The following ACCSL variants were observed in gnomAD, a reference collection of about 807,000 sequenced individuals.
ACCSL encodes the protein probable inactive 1-aminocyclopropane-1-carboxylate synthase-like protein 2.
In ACCSL, 55 loss-of-function variants were observed where a neutral mutation model predicts 61.7. The observed-to-expected ratio is 0.89, with a 90% CI of 0.72 to 1.12. The LOEUF (loss-of-function observed/expected upper bound fraction) is 1.12, where lower values mean the gene tolerates loss of function less well. ACCSL is among the 50% of genes most tolerant of loss of function. The pLI, the probability that ACCSL is intolerant of heterozygous loss-of-function variation, is 0.00. For synonymous variants in ACCSL, 258 were observed against 264.3 expected, an observed-to-expected ratio of 0.98 and a Z score of 0.23; for missense variants, 632 against 698.0, an observed-to-expected ratio of 0.91 and a Z score of 1.07.
At chr11:43,996,379 G>C in the ACCSL span, among the ~76,000 whole-genome samples, 3 of 152,212 alleles carry the variant, frequency 2.0e-5, no homozygotes, top group African/African-American at 7.2e-5. Flanking sequence ...AGTGGCTGTG[G>C]GGAGACCTGT....
chr11:44,016,146 A>G, the ACCSL span, among the ~76,000 whole-genome samples: 1 of 152,098 alleles, frequency 6.6e-6, no homozygotes, highest in Non-Finnish European at 1.5e-5. Flanking sequence ...TGCCTTGATA[A>G]AGCCAGGCCT....
At chr11:44,037,494 G>A in the ACCSL span, among the ~76,000 whole-genome samples, 3 of 152,220 alleles carry the variant, frequency 2.0e-5, no homozygotes, top group African/African-American at 7.2e-5. Context: ...CTGCTTCTCT[G>A]AGTCTGCAGT....
chr11:44,059,404 C>T (rs1252549999), intron 13 of ACCSL, among the ~76,000 whole-genome samples: 1 of 152,226 alleles, frequency 6.6e-6, no homozygotes, highest in Non-Finnish European at 1.5e-5. Flanking sequence ...ATAGGACATT[C>T]ATGTGAACAT....
chr11:43,964,011 G>A, the ACCSL span, among the ~76,000 whole-genome samples: 1 of 151,930 alleles, frequency 6.6e-6, no homozygotes, highest in South Asian at 2.1e-4. Context: ...TTTGCATTAG[G>A]TGTGTCTCCT....
chr11:43,997,358 C>T, the ACCSL span, among the ~76,000 whole-genome samples: 1 of 152,156 alleles, frequency 6.6e-6, no homozygotes, highest in Non-Finnish European at 1.5e-5. Flanking sequence ...ATTCTTCCGG[C>T]TTCCTCCTGC....
chr11:44,024,441 CTGTGTGTGTGTGTGTGTG>C, the ACCSL span, among the ~76,000 whole-genome samples: 49 of 132,098 alleles, frequency 3.7e-4, no homozygotes, highest in Non-Finnish European at 7.3e-4. Context: ...CTCTCTCTCT[CTGTGTGTGTGTGTGTGTG>C]TGTGTGTGTG....
chr11:44,004,262 A>G, the ACCSL span, among the ~76,000 whole-genome samples: 3 of 152,122 alleles, frequency 2.0e-5, no homozygotes, highest in Non-Finnish European at 4.4e-5. Context: ...CCCAGATCAG[A>G]AGGGCAGTCA....
chr11:43,993,933 A>C, the ACCSL span, among the ~76,000 whole-genome samples: 3 of 152,164 alleles, frequency 2.0e-5, no homozygotes, highest in Admixed American at 2.0e-4. Context: ...TATCTTGCAA[A>C]ACCTGTGCCC....
the ACCSL span, among the ~76,000 whole-genome samples, chr11:44,009,357 G>T: frequency 1.3e-5 from 2 of 152,198 alleles, no homozygotes; most frequent in Non-Finnish European, 2.9e-5. Context: ...ACTGTTGCCA[G>T]GTCAGTTCCT....
chr11:43,956,469 G>A, the ACCSL span, among the ~76,000 whole-genome samples: 1 of 152,020 alleles, frequency 6.6e-6, no homozygotes, highest in African/African-American at 2.4e-5. Context: ...GCCCAGGCTG[G>A]GGTGCAATGG....
chr11:44,012,489 G>T, the ACCSL span, among the ~76,000 whole-genome samples: 2 of 152,102 alleles, frequency 1.3e-5, no homozygotes, highest in Admixed American at 6.5e-5. Context: ...GTTTCACCAT[G>T]TTGGCCAGGC....
chr11:43,956,321 A>C, the ACCSL span, among the ~76,000 whole-genome samples: 1 of 152,184 alleles, frequency 6.6e-6, no homozygotes, highest in Non-Finnish European at 1.5e-5. Flanking sequence ...TTTAGGCTGA[A>C]CTTAAATATG....
At chr11:43,942,787 T>A in the ACCSL span, 1 of 586,018 alleles carries the variant, frequency 1.7e-6, no homozygotes, top group Non-Finnish European at 2.1e-6. Flanking sequence ...CCGCAGCAGA[T>A]TTGGATCCCC....
chr11:43,942,035 C>CGT, the ACCSL span, among the ~76,000 whole-genome samples: 688 of 89,678 alleles, frequency 7.7e-3, 4 homozygotes, highest in Non-Finnish European at 0.011. Context: ...TGCATTCGTG[C>CGT]GTGTGTGTGT....
chr11:44,056,746 C>A (rs535478549), intron 11 of ACCSL, among the ~76,000 whole-genome samples: 1 of 152,272 alleles, frequency 6.6e-6, no homozygotes, highest in Admixed American at 6.5e-5. Flanking sequence ...GCAGGAGAAT[C>A]TCCTGAACCC....
the ACCSL span, among the ~76,000 whole-genome samples, chr11:44,004,999 G>C: frequency 1.5e-4 from 23 of 152,248 alleles, no homozygotes; most frequent in African/African-American, 5.3e-4. Context: ...GTTTTTCGGA[G>C]GCCCACTGGT....
chr11:43,961,452 T>C, the ACCSL span, among the ~76,000 whole-genome samples: 208 of 152,254 alleles, frequency 1.4e-3, 1 homozygote, highest in South Asian at 0.011. Flanking sequence ...TCCAATGGAA[T>C]ATGAGTAAAA....
At chr11:43,948,648 A>T in the ACCSL span, among the ~76,000 whole-genome samples, 1 of 151,972 alleles carries the variant, frequency 6.6e-6, no homozygotes, top group Non-Finnish European at 1.5e-5. Context: ...TATTTTTTAA[A>T]TTTTTTGTTG....
At chr11:44,029,765 T>C in the ACCSL span, among the ~76,000 whole-genome samples, 115,770 of 151,856 alleles carry the variant, frequency 0.76, 44,208 homozygotes, top group East Asian at 0.82. Context: ...GATTGCTTGG[T>C]GAGTTGGCCC....
Sources: gnomAD v4.1 joint callset for allele counts (sites outside exome capture counted in the v4.1 genomes callset) on GRCh38, gnomAD v4.1.1 for gene constraint, MANE v1.5 for transcripts, NCBI Gene and HGNC (gene_info 2026-07-23, HGNC 2026-07-21) for gene names.